TUSC3: variants seen among roughly 807,000 people sequenced by gnomAD.
TUSC3 encodes dolichyl-diphosphooligosaccharide--protein glycosyltransferase subunit TUSC3.
Under a neutral mutation model 44.8 loss-of-function variants are expected in TUSC3, and 45 were observed. The ratio of observed to expected loss-of-function variants is 1.00; its 90% CI spans 0.79 to 1.29. The LOEUF is 1.29. Among genes scored for constraint, TUSC3 ranks in the 50% most tolerant of loss-of-function variants. The probability of loss-of-function intolerance (pLI) is 0.00; values close to 1 mark genes in which losing one functional copy is unlikely to be tolerated. For synonymous variants in TUSC3, 212 were observed against 152.9 expected (o/e 1.39, Z -2.85); for missense variants, 519 against 437.9 (o/e 1.19, Z -1.65).
intron 3 of TUSC3, among the ~76,000 whole-genome samples, chr8:15,657,996 T>C (rs1255535073): frequency 6.6e-6 from 1 of 152,116 alleles, no homozygotes; most frequent in Middle Eastern, 3.2e-3. Flanking sequence ...ACTTGCACTT[T>C]TATAATAGCA....
intron 1 of TUSC3, among the ~76,000 whole-genome samples, chr8:15,560,394 C>T (rs1585101131): frequency 7.0e-6 from 1 of 142,598 alleles, no homozygotes; most frequent in East Asian, 2.1e-4. Context: ...GATGGGCTTC[C>T]CTTTGAGGGT....
At chr8:15,530,108 A>G (rs1251352102) in intron 2 of TUSC3, among the ~76,000 whole-genome samples, 3 of 151,912 alleles carry the variant, frequency 2.0e-5, no homozygotes, top group African/African-American at 7.3e-5. Context: ...ACACTCCTGT[A>G]TTACATCATA....
chr8:15,653,972 G>C (rs1807034694), intron 3 of TUSC3, among the ~76,000 whole-genome samples: 1 of 152,130 alleles, frequency 6.6e-6, no homozygotes, highest in South Asian at 2.1e-4. Context: ...AATGGCTGAG[G>C]CTAGGTATCT....
At chr8:15,737,879 A>G (rs1811004197) in intron 7 of TUSC3, among the ~76,000 whole-genome samples, 1 of 152,160 alleles carries the variant, frequency 6.6e-6, no homozygotes, top group South Asian at 2.1e-4. Flanking sequence ...TTTTTATGTT[A>G]CAAATGTAAT....
chr8:15,733,194 TA>T (rs1410268367), intron 7 of TUSC3, among the ~76,000 whole-genome samples: 2 of 152,158 alleles, frequency 1.3e-5, no homozygotes, highest in African/African-American at 2.4e-5. Context: ...TCCTCTCTAT[TA>T]AAAAATAAGG....
intron 2 of TUSC3, among the ~76,000 whole-genome samples, chr8:15,645,562 T>C (rs1196883456): frequency 6.6e-6 from 1 of 152,146 alleles, no homozygotes; most frequent in Admixed American, 6.5e-5. Flanking sequence ...AGTGCTTATC[T>C]ATTCTTTAAC....
At chr8:15,633,888 T>C (rs960021641) in intron 2 of TUSC3, among the ~76,000 whole-genome samples, 17 of 152,126 alleles carry the variant, frequency 1.1e-4, no homozygotes, top group African/African-American at 4.1e-4. Flanking sequence ...GAGAAACTGA[T>C]ACACCACCTT....
At chr8:15,616,171 TC>T (rs1223598894) in intron 1 of TUSC3, among the ~76,000 whole-genome samples, 1 of 146,418 alleles carries the variant, frequency 6.8e-6, no homozygotes, top group East Asian at 2.0e-4. Flanking sequence ...AAAGTAGAGA[TC>T]TTGATTTTTT....
Position 15,423,971 on chromosome 8 carries a change from T to TTTTG in TUSC3, n.91+6669_91+6670insGTTT, listed in dbSNP as rs1380010493. Among the ~76,000 whole-genome samples the TTTTG allele has an allele frequency of 4.9e-4, 11 of 22,408 alleles. 1 individual carries two copies. The highest frequency in any genetic ancestry group is 2.4e-3 in the South Asian group (1 of 412). The allele number at this position is 22,408 out of a possible 152,430, so 14.7% of individuals were successfully genotyped here. A position where few individuals can be genotyped will look rare whatever the true frequency, so the allele number is the denominator to read the frequency against. On this transcript the variant is annotated intron_variant and non_coding_transcript_variant, in intron 1 of 5. Transcript: ENST00000503191. ...CAGCATTCATACTGTTTTGCTTTGT[T>TTTTG]TTTTTTTTTTTTTTTTTTTTTTTTT...
chr8:15,574,174 CAGTG>C (rs1220118066), intron 1 of TUSC3, among the ~76,000 whole-genome samples: 2 of 152,126 alleles, frequency 1.3e-5, no homozygotes, highest in Admixed American at 1.3e-4. Flanking sequence ...GTTTTGTGCA[CAGTG>C]AGTGCCCTCA....
chr8:15,450,206 T>G (rs1800175644), intron 1 of TUSC3, among the ~76,000 whole-genome samples: 1 of 152,198 alleles, frequency 6.6e-6, no homozygotes, highest in Admixed American at 6.5e-5. Flanking sequence ...TATGTGTGTT[T>G]ATCTGTTTAT....
chr8:15,671,426 C>G (rs565944082), intron 5 of TUSC3, among the ~76,000 whole-genome samples: 2 of 152,054 alleles, frequency 1.3e-5, no homozygotes, highest in East Asian at 3.9e-4. Context: ...AAAAAGGATG[C>G]ATCAGTTATG....
At chr8:15,696,024 A>G (rs1432973095) in intron 6 of TUSC3, among the ~76,000 whole-genome samples, 1 of 152,218 alleles carries the variant, frequency 6.6e-6, no homozygotes, top group Non-Finnish European at 1.5e-5. Flanking sequence ...TTTTCTGAGG[A>G]GAAATTCAAG....
chr8:15,519,112 C>G (rs1381982425), intron 2 of TUSC3, among the ~76,000 whole-genome samples: 1 of 152,138 alleles, frequency 6.6e-6, no homozygotes, highest in African/African-American at 2.4e-5. Flanking sequence ...TACACATCTA[C>G]TGACATTAAG....
At chr8:15,727,460 C>G (rs763907586) in intron 6 of TUSC3, among the ~76,000 whole-genome samples, 7 of 152,034 alleles carry the variant, frequency 4.6e-5, no homozygotes, top group Non-Finnish European at 8.8e-5. Flanking sequence ...TGCTGGATTT[C>G]TGTTGCCTGA....
At chr8:15,654,925 A>G (rs1349059267) in intron 3 of TUSC3, among the ~76,000 whole-genome samples, 2 of 152,152 alleles carry the variant, frequency 1.3e-5, no homozygotes, top group African/African-American at 4.8e-5. Context: ...TTACTTCTTC[A>G]TTGCTGTGTG....
At chr8:15,692,814 C>T (rs191570588) in intron 6 of TUSC3, among the ~76,000 whole-genome samples, 5 of 152,158 alleles carry the variant, frequency 3.3e-5, no homozygotes, top group Admixed American at 2.6e-4. Context: ...ATGTCAGTCT[C>T]TTCATAGGTC....
intron 2 of TUSC3, among the ~76,000 whole-genome samples, chr8:15,505,333 C>A (rs368484485): frequency 3.0e-4 from 45 of 152,336 alleles, no homozygotes; most frequent in African/African-American, 1.0e-3. Flanking sequence ...GATGGCCAGA[C>A]TTTTCATGTG....
chr8:15,778,591 C>G, the TUSC3 span, among the ~76,000 whole-genome samples: 1 of 152,092 alleles, frequency 6.6e-6, no homozygotes, highest in Non-Finnish European at 1.5e-5. Flanking sequence ...TTTTCTCACC[C>G]CTTTCTCTTC....
Sources: allele counts gnomAD v4.1 joint callset (sites outside exome capture counted in the v4.1 genomes callset), GRCh38; gene constraint gnomAD v4.1.1; transcripts MANE v1.5; gene names NCBI Gene and HGNC (gene_info 2026-07-23, HGNC 2026-07-21).